The following INSR variants were observed in gnomAD, a reference collection of about 807,000 sequenced individuals.
The protein encoded by INSR is IR.
A neutral mutation model predicts 142.6 loss-of-function variants in INSR; 67 were observed. The observed-to-expected ratio is 0.47, with a 90% CI of 0.39 to 0.58. The LOEUF (loss-of-function observed/expected upper bound fraction) is 0.58. INSR is among the 20% of genes least tolerant of loss of function. INSR has a pLI of 0.00. For synonymous variants in INSR, 756 were observed against 743.1 expected, an observed-to-expected ratio of 1.02 and a Z score of -0.28; for missense variants, 1,248 against 1,833.2, an observed-to-expected ratio of 0.68 and a Z score of 5.83.
At position 7,143,106 on chromosome 19, in the gene INSR, G is replaced by T. The variant is rs751098709; in HGVS notation, c.2268-16C>A. The T allele has an allele frequency of 1.2e-5, 20 of 1,613,864 alleles. No individual in the cohort carries two copies. The highest frequency in any genetic ancestry group is 1.6e-5 in the Non-Finnish European group (19 of 1,179,942). On this transcript the variant is annotated splice_polypyrimidine_tract_variant and intron_variant, in intron 11 of 21. Coordinates refer to ENST00000302850, the MANE Select transcript of INSR (RefSeq NM_000208.4). ...CCGAGATGGCCTGGAACGACAGTAG[G>T]ACATGTATGATGACACCATCACCAT... is the stretch of plus-strand genomic sequence containing the variant.
intron 1 of INSR, among the ~76,000 whole-genome samples, chr19:7,282,407 A>G (rs540619440): frequency 6.7e-6 from 1 of 148,886 alleles, no homozygotes; most frequent in South Asian, 2.1e-4. Context: ...AGCCAGCTGG[A>G]CAAGGTGGCT....
rs1211284622 is a variant in INSR, at chr19:7,190,447, A to T, written c.653-5810T>A. 2.8e-5 allele frequency among the ~76,000 whole-genome samples: 4 copies of T among 143,392 alleles called. No individual in the cohort carries two copies. The Admixed American group carries it at 3.0e-4, about 11-fold the overall frequency. The allele number at this position is 143,392 out of a possible 152,430, so 94.1% of individuals were successfully genotyped here. A position where few individuals can be genotyped will look rare whatever the true frequency, so the allele number is the denominator to read the frequency against. On this transcript the variant is annotated intron_variant, in intron 2 of 21. Coordinates refer to ENST00000302850, the MANE Select transcript of INSR (RefSeq NM_000208.4). ...AAGTGCAATGGTGAGAACTCAGCTC[A>T]CTGCAACCTCCGCCTCCCGGGTTCA...
At chr19:7,184,663 G>GGAAATAAATAAAT (rs1555746888) in intron 2 of INSR, 26 bp from the exon 3 acceptor site, 3 of 962,676 alleles carry the variant, frequency 3.1e-6, no homozygotes, top group African/African-American at 3.7e-5. Flanking sequence ...GAGAGAGAGG[G>GGAAATAAATAAAT]AAATAAATAA....
At position 7,154,032 on chromosome 19, in the gene INSR, A is replaced by G. The variant is rs143032435; in HGVS notation, c.2030-1105T>C. ...AAAAATTAGCCAGGTGTAGTGGCGC[A>G]TGCCTGTAATCCCAGCTACTCAGGA... On this transcript the variant is annotated intron_variant, in intron 9 of 21. Transcript: ENST00000302850. 9.3e-4 allele frequency among the ~76,000 whole-genome samples: 141 copies of G among 152,060 alleles called. 3 individuals are homozygous for G. The East Asian group carries it at 0.024, about 26-fold the overall frequency.
intron 2 of INSR, among the ~76,000 whole-genome samples, chr19:7,191,401 T>G (rs1320913505): frequency 6.7e-6 from 1 of 148,678 alleles, no homozygotes; most frequent in Admixed American, 6.7e-5. Context: ...CCACTCGGGG[T>G]GGCCACTGCA....
chr19:7,132,132 C>T, intron 14 of INSR, 26 bp downstream of exon 14: 1 of 1,613,402 alleles, frequency 6.2e-7, no homozygotes, highest in Non-Finnish European at 8.5e-7. Flanking sequence ...CAGCCCCAGT[C>T]AGCTGAGGCT....
At chr19:7,288,264 G>A (rs956623822) in intron 1 of INSR, among the ~76,000 whole-genome samples, 10 of 152,014 alleles carry the variant, frequency 6.6e-5, no homozygotes, top group African/African-American at 2.4e-4. Context: ...TACCCAGGAG[G>A]CGGAGGCAAG....
chr19:7,288,046 G>C (rs1048564976), intron 1 of INSR, among the ~76,000 whole-genome samples: 16 of 152,274 alleles, frequency 1.1e-4, no homozygotes, highest in African/African-American at 3.8e-4. Flanking sequence ...CTGTTCAGAT[G>C]AAGAAGTCGG....
intron 2 of INSR, among the ~76,000 whole-genome samples, chr19:7,193,143 AG>A (rs1290607553): frequency 6.7e-6 from 1 of 148,732 alleles, no homozygotes; most frequent in African/African-American, 2.5e-5. Flanking sequence ...CCCCAGATGG[AG>A]TCTCACTCTT....
At position 7,139,850 on chromosome 19, in the gene INSR, GTC is replaced by G. The variant is rs768798185; in HGVS notation, c.2682+1825_2682+1826del. 6.4e-3 allele frequency among the ~76,000 whole-genome samples: 864 copies of G among 135,094 alleles called. 8 individuals carry two copies. Among genetic ancestry groups the G allele is most frequent in the East Asian group, 0.045 (204 of 4,502 alleles). The allele number at this position is 135,094 out of a possible 152,430, so 88.6% of individuals were successfully genotyped here. On this transcript the variant is annotated intron_variant, in intron 13 of 21. Coordinates refer to ENST00000302850, the MANE Select transcript of INSR (RefSeq NM_000208.4). ...TTTTTTTTTTTTTTTTTGAGACAGA[GTC>G]TTGTTCTGTCGCCCAGGCTGGAGTG...
In INSR at chr19:7,291,065, G is replaced by A. The variant is rs1201619015; in HGVS notation, c.100+2727C>T. ...AGCCTGGGTGACAGAGCAAGACTCCGTCTCAAAAAAAAAAAAGCCATATTG... is the reference window on the plus strand; with the variant it reads ...AGCCTGGGTGACAGAGCAAGACTCCATCTCAAAAAAAAAAAAGCCATATTG... On this transcript the variant is annotated intron_variant, in intron 1 of 21. Transcript: ENST00000302850. Among the ~76,000 whole-genome samples the A allele has an allele frequency of 4.7e-5, 7 of 149,008 alleles. No homozygotes were observed. In the South Asian group the frequency reaches 6.3e-4, roughly 13 times the overall value.
At position 7,267,656 on chromosome 19, in the gene INSR, A is replaced by T; in HGVS notation, c.341T>A (p.Leu114Gln). 6.2e-7 allele frequency: 1 copy of T among 1,614,070 alleles called. No individual in the cohort carries two copies. ...GATGACCAGCGCGTAGTTAAAGAAC[A>T]GTCGTGATCCCCGGATGACCGTGAG... ...PNLTVIRGSR[L>Q]FFNYALVIFE... The change falls in exon 2 of 22, where the codon CTG becomes CAG. Residue 114 changes from leucine to glutamine, a missense_variant. Leu to Gln is a moderately radical substitution (Grantham distance 113). Transcript: ENST00000302850. The surrounding 1 kb of genome is among the most constrained non-coding windows in gnomAD (Gnocchi z 6.3).
In INSR at chr19:7,113,271, TAGGATAC is replaced by T. The variant is rs1276416167; in HGVS notation, c.*3778_*3784del. The T allele has an allele frequency of 6.6e-6, 1 of 152,204 alleles. No individual in the cohort carries two copies. Among genetic ancestry groups the T allele is most frequent in the Non-Finnish European group, 1.5e-5 (1 of 68,044 alleles). The allele number at this position is 152,204 out of a possible 1,614,324, so 9.4% of individuals were successfully genotyped here. On this transcript the variant is annotated 3_prime_UTR_variant, in exon 22 of 22. Coordinates refer to ENST00000302850, the MANE Select transcript of INSR (RefSeq NM_000208.4). The stretch of plus-strand genomic sequence containing the variant: ...TTTCTTGGTGGACTACCTGCCCTGC[TAGGATAC>T]AGTGAAAGATCTGTCTGTCAGTTGG...
intron 2 of INSR, among the ~76,000 whole-genome samples, chr19:7,263,278 CAA>C (rs59144562): frequency 1.5e-4 from 19 of 129,920 alleles, no homozygotes; most frequent in South Asian, 4.7e-4. Context: ...GACTCCATCT[CAA>C]AAAAAAAAAA....
In INSR at chr19:7,155,786, C is replaced by T. The variant is rs539749140; in HGVS notation, c.2030-2859G>A. On this transcript the variant is annotated intron_variant, in intron 9 of 21. Coordinates refer to ENST00000302850, the MANE Select transcript of INSR (RefSeq NM_000208.4). ...AAAATTAGCCAGGCATGGTGGTGTG[C>T]GCCTGTAATCCCAGCTACTCAGGAG... Among the ~76,000 whole-genome samples, 4 of 149,378 alleles carry T rather than the reference C, an allele frequency of 2.7e-5. No individual in the cohort carries two copies. The South Asian group carries it at 6.4e-4, about 24-fold the overall frequency.
chr19:7,167,868 T>C, intron 7 of INSR, 100 bp downstream of exon 7: 1 of 1,431,052 alleles, frequency 7.0e-7, no homozygotes, highest in Non-Finnish European at 9.8e-7. Flanking sequence ...AGGAGGGAGA[T>C]AGACAGGAAC....
intron 2 of INSR, among the ~76,000 whole-genome samples, chr19:7,211,684 A>T (rs932002454): frequency 2.0e-5 from 3 of 152,176 alleles, no homozygotes; most frequent in African/African-American, 7.2e-5. Flanking sequence ...AGCTGACTCT[A>T]CTCCCACAGA....
chr19:7,231,126 G>A (rs989183575), intron 2 of INSR, among the ~76,000 whole-genome samples: 1 of 152,132 alleles, frequency 6.6e-6, no homozygotes, highest in Admixed American at 6.5e-5. Context: ...CCACTTACTC[G>A]GCACAGCCTG....
At chr19:7,140,341 A>C (rs1256039172) in intron 13 of INSR, among the ~76,000 whole-genome samples, 2 of 152,192 alleles carry the variant, frequency 1.3e-5, no homozygotes, top group Non-Finnish European at 1.5e-5. Flanking sequence ...GTTTTTGTAA[A>C]TAAAGTTTTA....
Sources: allele counts gnomAD v4.1 joint callset (sites outside exome capture counted in the v4.1 genomes callset), GRCh38; gene constraint gnomAD v4.1.1; non-coding constraint Gnocchi (gnomAD v3.1); transcripts MANE v1.5; gene names NCBI Gene and HGNC (gene_info 2026-07-23, HGNC 2026-07-21).